The following SAPCD2 variants were observed in gnomAD, a reference collection of about 807,000 sequenced individuals.
The protein encoded by SAPCD2 is suppressor APC domain containing 2.
A neutral mutation model predicts 37.8 loss-of-function variants in SAPCD2; 34 were observed. The observed-to-expected ratio is 0.90, with a 90% confidence interval of 0.68 to 1.20. The LOEUF (loss-of-function observed/expected upper bound fraction) is 1.20, where lower values mean the gene tolerates loss of function less well. Ranked by LOEUF, SAPCD2 falls within the 50% of genes most tolerant of loss-of-function variation. The pLI, the probability that SAPCD2 is intolerant of heterozygous loss-of-function variation, is 0.00. For missense variants in SAPCD2, 572 were observed against 584.7 expected (o/e 0.98, Z 0.22); for synonymous variants, 275 against 270.3 (o/e 1.02, Z -0.17).
chr9:137,069,511 G>C (rs1056532735), intron 1 of SAPCD2, among the ~76,000 whole-genome samples: 1 of 152,246 alleles, frequency 6.6e-6, no homozygotes, highest in African/African-American at 2.4e-5. Flanking sequence ...AGCAGCCACA[G>C]ACAGGAGGCT....
At chr9:137,069,822 TG>T in intron 1 of SAPCD2, 67 bp downstream of exon 1, 1 of 1,055,980 alleles carries the variant, frequency 9.5e-7, no homozygotes, top group Non-Finnish European at 1.2e-6. Flanking sequence ...GCAGCAGCTG[TG>T]GGACTGCGGT....
rs1190517738 is a variant in SAPCD2 at position 137,062,804 on chromosome 9, A to G, written c.*1855T>C. ...TGATTTCAAGCTGTAAACTGGGAGG[A>G]CCTATTTCTTTTCACCTTGCACGGA... On this transcript the variant is annotated 3_prime_UTR_variant, in exon 6 of 6. Transcript: ENST00000409687. 1 of 152,038 alleles carries G rather than the reference A, an allele frequency of 6.6e-6. No homozygotes were observed. Among genetic ancestry groups the G allele is most frequent in the Non-Finnish European group, 1.5e-5 (1 of 68,024 alleles). 9.4% of individuals were successfully genotyped at this position (152,038 alleles called of 1,614,324 possible).
chr9:137,064,766 G>A lies in SAPCD2; in HGVS notation c.1078C>T (p.Arg360Cys), dbSNP rs780347209. 21 of 1,594,398 alleles carry A rather than the reference G, an allele frequency of 1.3e-5. 1 individual carries two copies. Among genetic ancestry groups the A allele is most frequent in the Admixed American group, 3.5e-5 (2 of 57,968 alleles). Residue 360 changes from arginine to cysteine, a missense_variant, in exon 6 of 6, where the codon CGC becomes TGC. Arg to Cys is a radical substitution (Grantham distance 180). Transcript: ENST00000409687. ...LTQEVTEKSE[R>C]ITQLEQEKSA... ...TTCTCCTGCTCCAGCTGCGTGATGC[G>A]CTCACTCTTCTCGGTCACCTCCTGG...
chr9:137,065,653 C>G lies in SAPCD2; in HGVS notation c.700G>C (p.Glu234Gln), dbSNP rs764045463. ...VDCGLLKQMK[E>Q]LEQEKEVLLQ... ...AGCACCTCCTTCTCCTGCTCCAGCT[C>G]CTTCATCTGCTTCAGCTGCAATACG... Residue 234 changes from glutamate to glutamine, a missense_variant, in exon 3 of 6, where the codon GAG (glutamate) becomes CAG (glutamine). Coordinates refer to ENST00000409687, the MANE Select transcript of SAPCD2 (RefSeq NM_178448.4). 3.7e-6 allele frequency: 6 copies of G among 1,605,000 alleles called. No individual in the cohort carries two copies. In the South Asian group the frequency reaches 4.4e-5, roughly 12 times the overall value.
At chr9:137,069,846 C>T (rs1251448205) in intron 1 of SAPCD2, 44 bp downstream of exon 1, 1 of 1,208,888 alleles carries the variant, frequency 8.3e-7, no homozygotes, top group Non-Finnish European at 1.0e-6. Context: ...CTGGCCCGGG[C>T]CCGGGAGAGC....
chr9:137,067,484 A>G (rs1832562870), intron 1 of SAPCD2, among the ~76,000 whole-genome samples: 1 of 148,208 alleles, frequency 6.7e-6, no homozygotes, highest in Admixed American at 6.7e-5. Context: ...AAAAAAAAAG[A>G]TCCCTTGCCG....
Position 137,062,432 on chromosome 9 carries a change from C to T in SAPCD2, c.*2227G>A, listed in dbSNP as rs1170225778. The T allele has an allele frequency of 1.3e-5, 2 of 151,960 alleles. No homozygotes were observed. Among genetic ancestry groups the T allele is most frequent in the African/African-American group, 2.4e-5 (1 of 41,376 alleles). The allele number at this position is 151,960 out of a possible 1,614,324, so 9.4% of individuals were successfully genotyped here. A position where few individuals can be genotyped will look rare whatever the true frequency, so the allele number is the denominator to read the frequency against. On this transcript the variant is annotated 3_prime_UTR_variant, in exon 6 of 6. Transcript: ENST00000409687. ...CACGCCCGGCTGAGATGTTCCTTTT[C>T]CTTGGAACTTGATCAACACAAAATC...
chr9:137,068,038 GC>G (rs1443866367), intron 1 of SAPCD2, among the ~76,000 whole-genome samples: 1 of 152,196 alleles, frequency 6.6e-6, no homozygotes, highest in Non-Finnish European at 1.5e-5. Flanking sequence ...TCCAGCTGTA[GC>G]CCCAGCACCA....
chr9:137,069,078 C>G (rs1410894458), intron 1 of SAPCD2, among the ~76,000 whole-genome samples: 5 of 152,238 alleles, frequency 3.3e-5, no homozygotes, highest in Non-Finnish European at 7.4e-5. Context: ...CCTGGCAGAA[C>G]GGGTGCACAG....
At chr9:137,069,826 A>G in intron 1 of SAPCD2, 64 bp downstream of exon 1, 3 of 1,072,062 alleles carry the variant, frequency 2.8e-6, no homozygotes, top group Non-Finnish European at 3.6e-6. Flanking sequence ...CAGCTGTGGG[A>G]CTGCGGTTTC....
chr9:137,067,855 G>C (rs894489541), intron 1 of SAPCD2, among the ~76,000 whole-genome samples: 3 of 149,260 alleles, frequency 2.0e-5, no homozygotes, highest in Non-Finnish European at 4.4e-5. Context: ...AGTCAGGCAC[G>C]TCCTGGTGCT....
chr9:137,069,855 G>A (rs1047362781), intron 1 of SAPCD2, 35 bp downstream of exon 1: 214 of 1,228,730 alleles, frequency 1.7e-4, no homozygotes, highest in Non-Finnish European at 2.1e-4. Flanking sequence ...GCCCGGGAGA[G>A]CTACGAGGGT....
In SAPCD2 at chr9:137,064,537, C is replaced by G; in HGVS notation, c.*122G>C. The G allele has an allele frequency of 8.2e-7, 1 of 1,221,034 alleles. No individual in the cohort carries two copies. The highest frequency in any genetic ancestry group is 1.2e-6 in the Non-Finnish European group (1 of 868,040). 75.6% of individuals were successfully genotyped at this position (1,221,034 alleles called of 1,614,324 possible). A position where few individuals can be genotyped will look rare whatever the true frequency, so the allele number is the denominator to read the frequency against. ...GGCAAGGGCGGCAGGAAGGCGCCCA[C>G]TCCGGGACTGTGCCTGGGCCTGCCG... On this transcript the variant is annotated 3_prime_UTR_variant, in exon 6 of 6. Transcript: ENST00000409687.
At position 137,066,346 on chromosome 9, in the gene SAPCD2, C is replaced by G; in HGVS notation, c.600G>C (p.Ala200=). The G allele has an allele frequency of 6.2e-7, 1 of 1,608,808 alleles. No homozygotes were observed. Among genetic ancestry groups the G allele is most frequent in the Non-Finnish European group, 8.5e-7 (1 of 1,178,406 alleles). ...AGAVACRALE[A]DSGDARRAPR... is the part of the protein sequence containing the mutation. ...GAGCCCGCCGGGCATCCCCTGAGTC[C>G]GCCTCCAGGGCCCTGCACGCCACTG... The change falls in exon 2 of 6, where the codon GCG becomes GCC. Residue 200 remains alanine, a synonymous_variant. Transcript: ENST00000409687.
rs906704778 is a variant in SAPCD2 at position 137,062,978 on chromosome 9, AGATGCCAG to A, written c.*1673_*1680del. On this transcript the variant is annotated 3_prime_UTR_variant, in exon 6 of 6. Transcript: ENST00000409687. ...CTGTCTCCTGCTTCCAGTCCAGTAA[AGATGCCAG>A]GATCCCCCAGGGCATGGCAGGCACC... is the stretch of plus-strand genomic sequence containing the variant. 7 of 152,234 alleles carry A rather than the reference AGATGCCAG, an allele frequency of 4.6e-5. No homozygotes were observed. The highest frequency in any genetic ancestry group is 1.4e-4 in the African/African-American group (6 of 41,448). 9.4% of individuals were successfully genotyped at this position (152,234 alleles called of 1,614,324 possible). A position where few individuals can be genotyped will look rare whatever the true frequency, so the allele number is the denominator to read the frequency against.
At chr9:137,067,799 A>G (rs1184840930) in intron 1 of SAPCD2, among the ~76,000 whole-genome samples, 1 of 150,622 alleles carries the variant, frequency 6.6e-6, no homozygotes, top group Admixed American at 6.6e-5. Context: ...AAAAAAAAAA[A>G]AAAGTCCCGC....
At chr9:137,069,581 G>T (rs1194383830) in intron 1 of SAPCD2, among the ~76,000 whole-genome samples, 3 of 152,226 alleles carry the variant, frequency 2.0e-5, no homozygotes, top group Admixed American at 6.5e-5. Context: ...CCAAGCTCAG[G>T]CTTGGTACAG....
intron 1 of SAPCD2, among the ~76,000 whole-genome samples, chr9:137,067,701 G>C (rs749050141): frequency 2.7e-5 from 4 of 147,704 alleles, no homozygotes; most frequent in Non-Finnish European, 5.9e-5. Context: ...TTGAACCCAG[G>C]AGGCGGAGGT....
intron 2 of SAPCD2, 24 bp downstream of exon 2, chr9:137,066,238 C>T (rs1832544080): frequency 3.2e-6 from 5 of 1,563,822 alleles, no homozygotes; most frequent in African/African-American, 2.7e-5. Flanking sequence ...TGGAGAGCCC[C>T]ACAGAGCCCC....
Sources: allele counts gnomAD v4.1 joint callset (sites outside exome capture counted in the v4.1 genomes callset), GRCh38; gene constraint gnomAD v4.1.1; transcripts MANE v1.5; gene names NCBI Gene and HGNC (gene_info 2026-07-23, HGNC 2026-07-21).